GAB4: variants seen among roughly 807,000 people sequenced by gnomAD.
The protein encoded by GAB4 is GRB2-associated-binding protein 4.
In GAB4, 26 loss-of-function variants were observed where a neutral mutation model predicts 51.3. That is an observed-to-expected ratio of 0.51 (90% CI 0.37 to 0.70). The LOEUF is 0.70. GAB4 is among the 30% of genes least tolerant of loss of function. GAB4 has a pLI of 0.00. For synonymous variants in GAB4, 329 were observed against 291.2 expected (o/e 1.13, Z -1.32); for missense variants, 759 against 734.6 (o/e 1.03, Z -0.38).
At chr22:17,001,604 A>C (rs1283435584) in intron 1 of GAB4, among the ~76,000 whole-genome samples, 1 of 152,140 alleles carries the variant, frequency 6.6e-6, no homozygotes, top group Non-Finnish European at 1.5e-5. Flanking sequence ...AGCTCGGAGA[A>C]GTTCATTATT....
intron 3 of GAB4, among the ~76,000 whole-genome samples, chr22:16,970,546 C>A (rs1285059584): frequency 2.6e-5 from 4 of 152,272 alleles, no homozygotes; most frequent in Non-Finnish European, 4.4e-5. Flanking sequence ...TTCACCCCCA[C>A]AAAACAGAGC....
intron 3 of GAB4, among the ~76,000 whole-genome samples, chr22:16,978,603 A>T (rs1178293419): frequency 6.6e-6 from 1 of 152,228 alleles, no homozygotes; most frequent in Non-Finnish European, 1.5e-5. Context: ...TAGCAGAGGC[A>T]CAAAGAGGAG....
At chr22:16,974,943 G>A (rs912814184) in intron 3 of GAB4, among the ~76,000 whole-genome samples, 3 of 152,184 alleles carry the variant, frequency 2.0e-5, no homozygotes, top group South Asian at 2.1e-4. Flanking sequence ...AAGGGAAGCC[G>A]AGAGGGACTG....
intron 3 of GAB4, among the ~76,000 whole-genome samples, chr22:16,981,060 G>C (rs1313323242): frequency 1.3e-5 from 2 of 152,126 alleles, no homozygotes; most frequent in East Asian, 3.9e-4. Flanking sequence ...TAATGTAGAT[G>C]ATGGGTTGAT....
intron 1 of GAB4, among the ~76,000 whole-genome samples, chr22:16,992,593 G>A (rs2060922895): frequency 6.6e-6 from 1 of 152,222 alleles, no homozygotes; most frequent in Admixed American, 6.5e-5. Context: ...AGAAGCAGTA[G>A]CAGTAAACAA....
At chr22:16,971,136 G>T (rs2060728239) in intron 3 of GAB4, among the ~76,000 whole-genome samples, 1 of 152,232 alleles carries the variant, frequency 6.6e-6, no homozygotes, top group Admixed American at 6.5e-5. Flanking sequence ...CGAGGCTGCA[G>T]TGAGCTGAGA....
rs369396073 is a variant in GAB4, at chr22:16,970,156, T to C, written c.724A>G (p.Ile242Val). The C allele has an allele frequency of 4.6e-5, 75 of 1,613,906 alleles. No homozygotes were observed. The highest frequency in any genetic ancestry group is 6.7e-5 in the Admixed American group (4 of 59,998). Residue 242 changes from isoleucine (I) to valine (V), a missense_variant, in exon 4 of 10, where the codon ATC becomes GTC. Physicochemically the swap from Ile to Val is conservative, Grantham distance 29. Transcript: ENST00000400588. ...SFSQGSEAPF[I>V]MRRNTAMQNL... ...TGCATGGCTGTGTTTCTCCTCATGA[T>C]GAATGGGGCCTCAGAACCCTGGGAG...
At chr22:16,973,863 G>A (rs1246135095) in intron 3 of GAB4, among the ~76,000 whole-genome samples, 1 of 152,186 alleles carries the variant, frequency 6.6e-6, no homozygotes, top group Non-Finnish European at 1.5e-5. Flanking sequence ...GTTGGTTTCT[G>A]GGTCTGTGTC....
chr22:16,999,586 A>C (rs2123720809), intron 1 of GAB4, among the ~76,000 whole-genome samples: 2 of 152,302 alleles, frequency 1.3e-5, no homozygotes, highest in Middle Eastern at 3.4e-3. Context: ...CTTTTCAAAA[A>C]ACCAGCTCCT....
In GAB4 at chr22:16,962,756, G is replaced by T; in HGVS notation, c.1702C>A (p.Pro568Thr). 2 of 1,612,684 alleles carry T rather than the reference G, an allele frequency of 1.2e-6. No homozygotes were observed. The highest frequency in any genetic ancestry group is 8.5e-7 in the Non-Finnish European group (1 of 1,179,788). ...AGTCACAGCTTGGCGCCCCTGGGAG[G>T]CTCTGAGGACTGCCGCAGGCACATC... is the stretch of plus-strand genomic sequence containing the variant. ...EQMCLRQSSE[P>T]PRGAKL The change falls in exon 10 of 10, where the codon CCT becomes ACT. Residue 568 changes from proline (P) to threonine (T), a missense_variant. Coordinates refer to ENST00000400588, the MANE Select transcript of GAB4 (RefSeq NM_001037814.1).
chr22:17,008,016 T>TCCG lies in GAB4; in HGVS notation c.96_98dup (p.Gly33dup). 6.2e-7 allele frequency: 1 copy of TCCG among 1,611,300 alleles called. No individual in the cohort carries two copies. On this transcript the variant is annotated inframe_insertion, in exon 1 of 10. Coordinates refer to ENST00000400588, the MANE Select transcript of GAB4 (RefSeq NM_001037814.1). ...ACAGCACGTGGCCACTTCTCGTGCTTCCGCCGGCGGGGCCACTTCCGGGCC... is the reference window on the plus strand; with the variant it reads ...ACAGCACGTGGCCACTTCTCGTGCTTCCGCCGCCGGCGGGGCCACTTCCGGGCC...
At chr22:16,964,988 G>T in intron 7 of GAB4, 126 bp from the exon 8 acceptor site, 2 of 775,176 alleles carry the variant, frequency 2.6e-6, no homozygotes, top group Non-Finnish European at 4.2e-6. Flanking sequence ...ATCAAGAACT[G>T]ATAGGGACAG....
intron 3 of GAB4, among the ~76,000 whole-genome samples, chr22:16,978,308 G>A (rs2060797424): frequency 6.6e-6 from 1 of 152,128 alleles, no homozygotes; most frequent in Non-Finnish European, 1.5e-5. Flanking sequence ...GAAGAAAAGA[G>A]AGAAGAATCA....
intron 4 of GAB4, among the ~76,000 whole-genome samples, chr22:16,968,938 C>A (rs2060706007): frequency 6.6e-6 from 1 of 152,186 alleles, no homozygotes; most frequent in Non-Finnish European, 1.5e-5. Context: ...GCCTAAGTAC[C>A]ATGGGCCTCA....
chr22:16,990,950 T>G (rs1469117278), intron 2 of GAB4, among the ~76,000 whole-genome samples: 1 of 152,164 alleles, frequency 6.6e-6, no homozygotes, highest in Non-Finnish European at 1.5e-5. Context: ...GTGATGCTGA[T>G]GCTGATGAGC....
At position 16,969,946 on chromosome 22, in the gene GAB4, C is replaced by T. The variant is rs1294796103; in HGVS notation, c.934G>A (p.Glu312Lys). 3.7e-6 allele frequency: 6 copies of T among 1,614,052 alleles called. No individual in the cohort carries two copies. In the African/African-American group the frequency reaches 8.0e-5, roughly 22 times the overall value. ...GGTGCCTTGAAGGGGTACACACCCTCATTATCCGCCTCAGAGCCTGTGAGG... is the reference window on the plus strand; with the variant it reads ...GGTGCCTTGAAGGGGTACACACCCTTATTATCCGCCTCAGAGCCTGTGAGG... ...GSLTGSEADN[E>K]ASSGKYTQHG... Residue 312 changes from glutamate (E) to lysine (K), a missense_variant, in exon 4 of 10, where the codon GAG (glutamate) becomes AAG (lysine). By Grantham distance (56) the Glu-to-Lys change is moderately conservative. Coordinates refer to ENST00000400588, the MANE Select transcript of GAB4 (RefSeq NM_001037814.1).
At chr22:16,980,159 T>C (rs2060815347) in intron 3 of GAB4, among the ~76,000 whole-genome samples, 2 of 151,838 alleles carry the variant, frequency 1.3e-5, no homozygotes, top group African/African-American at 2.4e-5. Flanking sequence ...AATAGACAAA[T>C]AGGATCTAAT....
At chr22:17,006,210 G>T (rs1366953203) in intron 1 of GAB4, among the ~76,000 whole-genome samples, 1 of 152,128 alleles carries the variant, frequency 6.6e-6, no homozygotes, top group Non-Finnish European at 1.5e-5. Flanking sequence ...AGTGGGCAAA[G>T]GATATGAACA....
At chr22:16,988,381 C>A (rs1230478682) in intron 2 of GAB4, among the ~76,000 whole-genome samples, 2 of 152,202 alleles carry the variant, frequency 1.3e-5, no homozygotes, top group Non-Finnish European at 2.9e-5. Flanking sequence ...AGCCTGGAGG[C>A]CTCATAGTGC....
Sources: allele counts gnomAD v4.1 joint callset (sites outside exome capture counted in the v4.1 genomes callset), GRCh38; gene constraint gnomAD v4.1.1; transcripts MANE v1.5; gene names NCBI Gene and HGNC (gene_info 2026-07-23, HGNC 2026-07-21).